The following TMEM143 variants were observed in gnomAD, a reference collection of about 807,000 sequenced individuals.
The protein encoded by TMEM143 is transmembrane protein 143.
In TMEM143, 45 loss-of-function variants were observed where a neutral mutation model predicts 40.3. The ratio of observed to expected loss-of-function variants is 1.12; its 90% CI spans 0.88 to 1.43. The LOEUF is 1.43. TMEM143 is among the 40% of genes most tolerant of loss of function. The probability of loss-of-function intolerance (pLI) is 0.00; values close to 1 mark genes in which losing one functional copy is unlikely to be tolerated. For synonymous variants in TMEM143, 299 were observed against 282.7 expected, an observed-to-expected ratio of 1.06 and a Z score of -0.58; for missense variants, 620 against 613.4, an observed-to-expected ratio of 1.01 and a Z score of -0.11.
intron 2 of TMEM143, among the ~76,000 whole-genome samples, chr19:48,362,033 T>C (rs1030356740): frequency 2.0e-5 from 3 of 152,228 alleles, no homozygotes; most frequent in African/African-American, 7.2e-5. Context: ...TGTATATTTG[T>C]GTACTTTTGT....
intron 6 of TMEM143, among the ~76,000 whole-genome samples, chr19:48,340,568 A>G (rs1600900352): frequency 6.6e-6 from 1 of 152,100 alleles, no homozygotes; most frequent in East Asian, 1.9e-4. Flanking sequence ...CCTGGTGTGA[A>G]TTGGGTTTGA....
chr19:48,345,982 A>G (rs1017776753), intron 3 of TMEM143, among the ~76,000 whole-genome samples: 1 of 150,204 alleles, frequency 6.7e-6, no homozygotes, highest in African/African-American at 2.5e-5. Flanking sequence ...AAGGGGTTTC[A>G]CCATGTTGGT....
At chr19:48,335,944 T>C (rs8102550) in intron 6 of TMEM143, among the ~76,000 whole-genome samples, 4,343 of 151,840 alleles carry the variant, frequency 0.029, 85 homozygotes, top group Non-Finnish European at 0.04. Context: ...GGGAAGGATG[T>C]TGGGGGGAAG....
At chr19:48,339,145 A>G (rs7252933) in intron 6 of TMEM143, among the ~76,000 whole-genome samples, 75,674 of 151,886 alleles carry the variant, frequency 0.5, 19,203 homozygotes, top group African/African-American at 0.57. Flanking sequence ...GGAAGGGACC[A>G]ACTGGAGGCT....
At chr19:48,347,771 T>C (rs1969671018) in intron 3 of TMEM143, among the ~76,000 whole-genome samples, 1 of 151,252 alleles carries the variant, frequency 6.6e-6, no homozygotes, top group Admixed American at 6.6e-5. Flanking sequence ...TTGGCCAGGC[T>C]GGTCTCAAAC....
At chr19:48,344,536 G>A (rs932835945) in intron 4 of TMEM143, among the ~76,000 whole-genome samples, 17 of 152,162 alleles carry the variant, frequency 1.1e-4, no homozygotes, top group Non-Finnish European at 8.8e-5. Flanking sequence ...CGATCCTCCT[G>A]CCTCGGCCTC....
At chr19:48,360,831 G>A (rs1970024682) in intron 2 of TMEM143, among the ~76,000 whole-genome samples, 1 of 152,052 alleles carries the variant, frequency 6.6e-6, no homozygotes, top group Admixed American at 6.6e-5. Context: ...CTGTCACCCA[G>A]GCTGGAGCTC....
chr19:48,333,931 G>T lies in TMEM143; in HGVS notation c.1165+77C>A. 7.1e-7 allele frequency: 1 copy of T among 1,411,122 alleles called. No individual in the cohort carries two copies. The highest frequency in any genetic ancestry group is 9.4e-7 in the Non-Finnish European group (1 of 1,068,834). The allele number at this position is 1,411,122 out of a possible 1,614,324, so 87.4% of individuals were successfully genotyped here. ...TCAGGTTCACCCGTGGGAACTGGGGGTGGGGACGCATCTCGCTGGGGCGGG... is the reference window on the plus strand; with the variant it reads ...TCAGGTTCACCCGTGGGAACTGGGGTTGGGGACGCATCTCGCTGGGGCGGG... On this transcript the variant is annotated intron_variant, in intron 7 of 7. Transcript: ENST00000293261. The surrounding 1 kb of genome is among the most constrained non-coding windows in gnomAD (Gnocchi z 4.1).
chr19:48,356,593 G>C (rs28874927), intron 3 of TMEM143, among the ~76,000 whole-genome samples: 107,410 of 146,072 alleles, frequency 0.74, 39,733 homozygotes, highest in East Asian at 0.83. Flanking sequence ...CCAGGCCCAG[G>C]TAATTTTTTT....
In TMEM143 at chr19:48,333,674, G is replaced by C. The variant is rs1436202822; in HGVS notation, c.1166-241C>G. On this transcript the variant is annotated intron_variant, in intron 7 of 7. Coordinates refer to ENST00000293261, the MANE Select transcript of TMEM143 (RefSeq NM_018273.4). This position sits in a 1 kb window ranked among gnomAD's most constrained non-coding sequence, Gnocchi z 4.1. ...GGGGCTCTTGGGCAGGGAAGGTGGG[G>C]GCTCCTGTAGGCAAGGGGACCACCT... Among the ~76,000 whole-genome samples the C allele has an allele frequency of 6.6e-6, 1 of 152,122 alleles. No individual in the cohort carries two copies. The highest frequency in any genetic ancestry group is 1.5e-5 in the Non-Finnish European group (1 of 68,008).
rs1969250893 is a variant in TMEM143 at position 48,333,117 on chromosome 19, G to T, written c.*102C>A. On this transcript the variant is annotated 3_prime_UTR_variant, in exon 8 of 8. Coordinates refer to ENST00000293261, the MANE Select transcript of TMEM143 (RefSeq NM_018273.4). This position sits in a 1 kb window ranked among gnomAD's most constrained non-coding sequence, Gnocchi z 4.1. ...AAAAATAATCACCTGTCAGTTATTG[G>T]AAGTTGGAGTGAAAAGTATAATAAC... is the stretch of plus-strand genomic sequence containing the variant. 1 of 919,394 alleles carries T rather than the reference G, an allele frequency of 1.1e-6. No homozygotes were observed. The highest frequency in any genetic ancestry group is 1.7e-5 in the African/African-American group (1 of 59,382). 57.0% of individuals were successfully genotyped at this position (919,394 alleles called of 1,614,324 possible).
intron 3 of TMEM143, among the ~76,000 whole-genome samples, chr19:48,353,104 C>T (rs1185866577): frequency 6.6e-6 from 1 of 152,016 alleles, no homozygotes; most frequent in African/African-American, 2.4e-5. Flanking sequence ...TGGTTGAATT[C>T]ACAGATGCAG....
At chr19:48,345,375 A>T (rs1224652916) in intron 3 of TMEM143, 21 bp from the exon 4 acceptor site, 1 of 1,510,100 alleles carries the variant, frequency 6.6e-7, no homozygotes, top group Non-Finnish European at 8.8e-7. Context: ...AGTCAGAGAG[A>T]AAAAGATGGG....
chr19:48,334,799 G>A (rs956952766), intron 6 of TMEM143, among the ~76,000 whole-genome samples: 2 of 152,020 alleles, frequency 1.3e-5, no homozygotes, highest in Admixed American at 6.6e-5. Flanking sequence ...GACCAGGCTG[G>A]TCTCAAACTC....
Position 48,333,341 on chromosome 19 carries a change from G to A in TMEM143, c.1258C>T (p.His420Tyr), listed in dbSNP as rs773941182. ...ATGCTGGGGGTCAGGGCCTGCAGAT[G>A]CGCCAGGGCCCGAGTTCCGTTGAAG... The part of the protein sequence containing the change: ...VTFNGTRALA[H>Y]LQALTPSMGL... The change falls in exon 8 of 8, where the codon CAT (histidine) becomes TAT (tyrosine). Residue 420 changes from histidine (H) to tyrosine (Y), a missense_variant. By Grantham distance (83) the His-to-Tyr change is moderately conservative. Coordinates refer to ENST00000293261, the MANE Select transcript of TMEM143 (RefSeq NM_018273.4). This position sits in a 1 kb window ranked among gnomAD's most constrained non-coding sequence, Gnocchi z 4.1. The A allele has an allele frequency of 6.2e-7, 1 of 1,610,244 alleles. No individual in the cohort carries two copies.
chr19:48,351,746 G>A (rs1969779310), intron 3 of TMEM143, among the ~76,000 whole-genome samples: 1 of 151,876 alleles, frequency 6.6e-6, no homozygotes, highest in African/African-American at 2.4e-5. Flanking sequence ...TCTCCTTCAG[G>A]TCTCTGCTCA....
At chr19:48,358,102 T>C (rs1969950476) in intron 3 of TMEM143, among the ~76,000 whole-genome samples, 1 of 152,000 alleles carries the variant, frequency 6.6e-6, no homozygotes, top group Non-Finnish European at 1.5e-5. Flanking sequence ...TAAAAAAGAA[T>C]GGGCCAGGCA....
At chr19:48,362,502 C>T (rs1970069075) in intron 2 of TMEM143, among the ~76,000 whole-genome samples, 1 of 151,822 alleles carries the variant, frequency 6.6e-6, no homozygotes, top group South Asian at 2.1e-4. Flanking sequence ...CCAGTCTGGG[C>T]AACAGAGTGA....
At chr19:48,338,410 C>T (rs1307109751) in intron 6 of TMEM143, among the ~76,000 whole-genome samples, 1 of 152,186 alleles carries the variant, frequency 6.6e-6, no homozygotes, top group East Asian at 1.9e-4. Flanking sequence ...GCCCGGCACA[C>T]GAGGCCCTCC....
Sources: allele counts gnomAD v4.1 joint callset (sites outside exome capture counted in the v4.1 genomes callset), GRCh38; gene constraint gnomAD v4.1.1; non-coding constraint Gnocchi (gnomAD v3.1); transcripts MANE v1.5; gene names NCBI Gene and HGNC (gene_info 2026-07-23, HGNC 2026-07-21).